Variants in ZNF492 observed in about 807,000 individuals in gnomAD.
ZNF492 encodes the protein zinc finger protein 492.
A neutral mutation model predicts 6.4 loss-of-function variants in ZNF492; 3 were observed. That is an observed-to-expected ratio of 0.47 (90% CI 0.21 to 1.22). The LOEUF is 1.22. ZNF492 is among the 50% of genes most tolerant of loss of function. ZNF492 has a pLI of 0.22. For missense variants in ZNF492, 356 were observed against 612.5 expected, an observed-to-expected ratio of 0.58 and a Z score of 4.42; for synonymous variants, 112 against 205.3, an observed-to-expected ratio of 0.55 and a Z score of 3.89.
intron 1 of ZNF492, among the ~76,000 whole-genome samples, chr19:22,652,474 C>T (rs1971950459): frequency 6.6e-6 from 1 of 151,714 alleles, no homozygotes; most frequent in South Asian, 2.1e-4. Flanking sequence ...ACAGGCTTTT[C>T]CACTTACTGG....
intron 1 of ZNF492, among the ~76,000 whole-genome samples, chr19:22,635,587 CT>C (rs1971753112): frequency 1.3e-5 from 2 of 152,268 alleles, no homozygotes; most frequent in Admixed American, 6.5e-5. Context: ...GCCTCTTTTT[CT>C]TTTGTCTTCC....
At chr19:22,643,493 T>C (rs1004254666) in intron 1 of ZNF492, among the ~76,000 whole-genome samples, 2 of 152,186 alleles carry the variant, frequency 1.3e-5, no homozygotes, top group Non-Finnish European at 2.9e-5. Context: ...ATGCTAATAA[T>C]GAGCCTAGGG....
intron 1 of ZNF492, among the ~76,000 whole-genome samples, chr19:22,637,440 A>G (rs1301085667): frequency 6.6e-6 from 1 of 152,044 alleles, no homozygotes; most frequent in Non-Finnish European, 1.5e-5. Context: ...CTACAGGCAC[A>G]CACCACCAGG....
Position 22,661,482 on chromosome 19 carries a change from G to C in ZNF492, c.131-2318G>C, listed in dbSNP as rs1461890165. Among the ~76,000 whole-genome samples, 3 of 152,106 alleles carry C rather than the reference G, an allele frequency of 2.0e-5. No homozygotes were observed. In the South Asian group the frequency reaches 6.2e-4, roughly 32 times the overall value. ...TTAAAATGTGTTTTTTTCTGACATA[G>C]TCTGAAAACAATTATCTTGGCTAGA... is the stretch of plus-strand genomic sequence containing the variant. On this transcript the variant is annotated intron_variant, in intron 3 of 3. Transcript: ENST00000456783.
intron 3 of ZNF492, among the ~76,000 whole-genome samples, chr19:22,662,717 C>T (rs1316324048): frequency 6.6e-6 from 1 of 151,668 alleles, no homozygotes; most frequent in East Asian, 1.9e-4. Context: ...TGTCTGTTGG[C>T]TGCATAAATG....
At chr19:22,653,830 A>G (rs1244123744) in intron 2 of ZNF492, 90 bp from the exon 3 acceptor site, 3 of 1,362,646 alleles carry the variant, frequency 2.2e-6, no homozygotes, top group Non-Finnish European at 2.9e-6. Context: ...AATTTACTAG[A>G]ATATTCTATT....
chr19:22,661,118 G>A (rs1275498779), intron 3 of ZNF492, among the ~76,000 whole-genome samples: 1 of 151,776 alleles, frequency 6.6e-6, no homozygotes, highest in Non-Finnish European at 1.5e-5. Flanking sequence ...ATCTGTGTGT[G>A]TATCCTAATT....
intron 1 of ZNF492, among the ~76,000 whole-genome samples, chr19:22,651,689 A>C (rs1389878307): frequency 6.6e-6 from 1 of 152,096 alleles, no homozygotes; most frequent in Admixed American, 6.6e-5. Context: ...GAAGGTGTAG[A>C]TACTCAAGAT....
chr19:22,642,421 G>A, intron 1 of ZNF492, among the ~76,000 whole-genome samples: 1 of 94,976 alleles, frequency 1.1e-5, no homozygotes, highest in Non-Finnish European at 1.8e-5. Context: ...ATGGAGTCTC[G>A]CACTGTTGCC....
At chr19:22,642,552 G>A (rs899875910) in intron 1 of ZNF492, among the ~76,000 whole-genome samples, 3 of 149,876 alleles carry the variant, frequency 2.0e-5, no homozygotes, top group African/African-American at 7.5e-5. Flanking sequence ...ACCACGCCCG[G>A]CTAATTTTTT....
At position 22,667,289 on chromosome 19, in the gene ZNF492, C is replaced by T. The variant is rs1448732677; in HGVS notation, c.*2024C>T. On this transcript the variant is annotated 3_prime_UTR_variant, in exon 4 of 4. Transcript: ENST00000456783. ...CAATACACTATTTGGTAAAAGAATG[C>T]ACTAACATCTGTAGTACTAATCTTT... The T allele has an allele frequency of 4.6e-5, 7 of 152,176 alleles. No individual in the cohort carries two copies. The East Asian group carries it at 7.7e-4, about 17-fold the overall frequency. 9.4% of individuals were successfully genotyped at this position (152,176 alleles called of 1,614,324 possible). A position where few individuals can be genotyped will look rare whatever the true frequency, so the allele number is the denominator to read the frequency against.
chr19:22,656,154 A>C lies in ZNF492; in HGVS notation c.130+2139A>C, dbSNP rs573524999. On this transcript the variant is annotated intron_variant, in intron 3 of 3. Coordinates refer to ENST00000456783, the MANE Select transcript of ZNF492 (RefSeq NM_020855.3). ...AAGTTTTTATAAATTGGTTTCAGAA[A>C]GTGAAGATCTTTTGTTGAGCCCCCA... Among the ~76,000 whole-genome samples the C allele has an allele frequency of 2.7e-3, 395 of 145,866 alleles. 1 individual carries two copies. The highest frequency in any genetic ancestry group is 4.2e-3 in the Non-Finnish European group (280 of 67,286).
chr19:22,647,555 C>T (rs1012235147), intron 1 of ZNF492, among the ~76,000 whole-genome samples: 9 of 151,098 alleles, frequency 6.0e-5, no homozygotes, highest in Admixed American at 4.0e-4. Context: ...TGAGCCACCA[C>T]GCCTGGCCCT....
intron 1 of ZNF492, among the ~76,000 whole-genome samples, chr19:22,647,192 G>A (rs536976054): frequency 1.3e-5 from 2 of 150,926 alleles, no homozygotes; most frequent in Non-Finnish European, 3.0e-5. Flanking sequence ...CGCCCGGCCT[G>A]GTGGATGTTT....
At chr19:22,641,307 C>T (rs77416533) in intron 1 of ZNF492, among the ~76,000 whole-genome samples, 12,337 of 152,062 alleles carry the variant, frequency 0.081, 1,622 homozygotes, top group African/African-American at 0.28. Flanking sequence ...TATCTTTGTT[C>T]TCATTTTTTT....
intron 3 of ZNF492, among the ~76,000 whole-genome samples, chr19:22,659,561 T>TAC (rs569041771): frequency 0.11 from 14,966 of 138,496 alleles, 888 homozygotes; most frequent in East Asian, 0.19. Flanking sequence ...TAATGTGAGA[T>TAC]ACACACACAC....
intron 1 of ZNF492, among the ~76,000 whole-genome samples, chr19:22,639,938 AAG>A: frequency 6.6e-6 from 1 of 152,000 alleles, no homozygotes; most frequent in South Asian, 2.1e-4. Context: ...CCTGTTTTCA[AAG>A]AAAAATGATT....
At chr19:22,644,813 G>A (rs535471763) in intron 1 of ZNF492, among the ~76,000 whole-genome samples, 4 of 152,240 alleles carry the variant, frequency 2.6e-5, no homozygotes, top group African/African-American at 7.2e-5. Context: ...CACTGTCTTC[G>A]ACGATGGTTG....
intron 1 of ZNF492, among the ~76,000 whole-genome samples, chr19:22,645,860 T>C (rs958641679): frequency 6.6e-6 from 1 of 152,146 alleles, no homozygotes; most frequent in African/African-American, 2.4e-5. Context: ...TGAGGTTTCT[T>C]TTCTGTTCCA....
Sources: gnomAD v4.1 joint callset for allele counts (sites outside exome capture counted in the v4.1 genomes callset) on GRCh38, gnomAD v4.1.1 for gene constraint, MANE v1.5 for transcripts, NCBI Gene and HGNC (gene_info 2026-07-23, HGNC 2026-07-21) for gene names.